MAPRE2: variants seen among roughly 807,000 people sequenced by gnomAD.
MAPRE2 encodes the protein microtubule-associated protein RP/EB family member 2.
A neutral mutation model predicts 43.2 loss-of-function variants in MAPRE2; 13 were observed. That is an observed-to-expected ratio of 0.30 (90% CI 0.20 to 0.48). The LOEUF is 0.48. MAPRE2 is among the 20% of genes least tolerant of loss of function. The pLI is 0.99. For synonymous variants in MAPRE2, 135 were observed against 148.8 expected (o/e 0.91, Z 0.68); for missense variants, 161 against 400.2 (o/e 0.40, Z 5.10).
chr18:35,111,230 A>G (rs1166663797), intron 4 of MAPRE2, among the ~76,000 whole-genome samples: 3 of 152,176 alleles, frequency 2.0e-5, no homozygotes, highest in Admixed American at 2.0e-4. Flanking sequence ...CTACTGTTGT[A>G]GAAGTCTTCA....
chr18:34,991,032 T>C (rs1457646510), intron 1 of MAPRE2, among the ~76,000 whole-genome samples: 1 of 152,154 alleles, frequency 6.6e-6, no homozygotes, highest in Non-Finnish European at 1.5e-5. Flanking sequence ...TCAACTTCTA[T>C]TTTAGATTCA....
At chr18:35,079,343 A>T (rs934633459) in intron 2 of MAPRE2, among the ~76,000 whole-genome samples, 1 of 152,188 alleles carries the variant, frequency 6.6e-6, no homozygotes, top group Non-Finnish European at 1.5e-5. Context: ...ACTGTTTTCC[A>T]TGTATTTAAT....
chr18:35,130,814 A>G (rs759531719), intron 5 of MAPRE2, among the ~76,000 whole-genome samples: 1 of 152,134 alleles, frequency 6.6e-6, no homozygotes, highest in Non-Finnish European at 1.5e-5. Flanking sequence ...ACTATGGTAG[A>G]CTGAGATTTG....
At chr18:35,051,965 T>C (rs1905960552) in intron 1 of MAPRE2, among the ~76,000 whole-genome samples, 1 of 152,354 alleles carries the variant, frequency 6.6e-6, no homozygotes, top group Non-Finnish European at 1.5e-5. Context: ...ATAATCTTTT[T>C]GTTCTAAGTA....
intron 1 of MAPRE2, among the ~76,000 whole-genome samples, chr18:34,995,077 T>A (rs2097025796): frequency 1.3e-5 from 2 of 152,182 alleles, no homozygotes; most frequent in South Asian, 2.1e-4. Flanking sequence ...TCTGGACACA[T>A]CTCCCTGTAG....
rs67933808 is a variant in MAPRE2 at position 34,998,772 on chromosome 18, A to ATT, written c.-69-6693_-69-6692dup. Among the ~76,000 whole-genome samples the ATT allele has an allele frequency of 5.4e-3, 506 of 93,704 alleles. 35 individuals are homozygous for ATT. The highest frequency in any genetic ancestry group is 0.021 in the African/African-American group (418 of 20,158). 61.5% of individuals were successfully genotyped at this position (93,704 alleles called of 152,430 possible). On this transcript the variant is annotated intron_variant, in intron 1 of 7. Transcript: ENST00000413393. ...GCCACTGAGCCTGGCCGAAGTTGCAATTTTTTTTTTTTTTTTTTTTTTTTT... is the reference window on the plus strand; with the variant it reads ...GCCACTGAGCCTGGCCGAAGTTGCAATTTTTTTTTTTTTTTTTTTTTTTTTTT...
upstream of MAPRE2, among the ~76,000 whole-genome samples, chr18:35,038,259 A>C (rs930681345): frequency 2.0e-5 from 3 of 152,228 alleles, no homozygotes; most frequent in Non-Finnish European, 4.4e-5. Context: ...CTTCCTGATT[A>C]TCCCCTTACA....
chr18:34,985,676 AATAT>A (rs142185998), intron 1 of MAPRE2, among the ~76,000 whole-genome samples: 25,001 of 115,518 alleles, frequency 0.22, 2,879 homozygotes, highest in East Asian at 0.23. Context: ...ATAATATATA[AATAT>A]ATATTATATA....
At chr18:35,066,671 A>T (rs549498050) in intron 1 of MAPRE2, among the ~76,000 whole-genome samples, 9 of 152,378 alleles carry the variant, frequency 5.9e-5, no homozygotes, top group African/African-American at 1.9e-4. Context: ...ATGGCAGTGC[A>T]GGAATAGAAT....
chr18:35,080,767 T>C (rs1353970335), intron 2 of MAPRE2, among the ~76,000 whole-genome samples: 1 of 151,992 alleles, frequency 6.6e-6, no homozygotes, highest in African/African-American at 2.4e-5. Flanking sequence ...AACAGAATAA[T>C]GAAATTGCTT....
chr18:35,118,786 T>C (rs1909534331), intron 4 of MAPRE2, among the ~76,000 whole-genome samples: 1 of 152,162 alleles, frequency 6.6e-6, no homozygotes, highest in Non-Finnish European at 1.5e-5. Flanking sequence ...CTACCTACAG[T>C]ATCCCATTCT....
At chr18:34,983,549 C>G (rs1241415265) in intron 1 of MAPRE2, among the ~76,000 whole-genome samples, 2 of 152,194 alleles carry the variant, frequency 1.3e-5, no homozygotes, top group Non-Finnish European at 2.9e-5. Flanking sequence ...TTTTTATTCA[C>G]TGTCACTTCC....
intron 1 of MAPRE2, chr18:34,978,222 A>G: frequency 2.2e-6 from 1 of 461,766 alleles, no homozygotes; most frequent in South Asian, 2.7e-5. Context: ...TTCCAAAAAA[A>G]GAAGAACAAA....
intron 1 of MAPRE2, among the ~76,000 whole-genome samples, chr18:34,994,854 T>C (rs1202939467): frequency 6.6e-6 from 1 of 152,112 alleles, no homozygotes; most frequent in Non-Finnish European, 1.5e-5. Context: ...AGTCACATAA[T>C]TGGGAAAACC....
intron 4 of MAPRE2, among the ~76,000 whole-genome samples, chr18:35,113,823 T>A (rs1288993817): frequency 6.6e-6 from 1 of 152,112 alleles, no homozygotes; most frequent in Non-Finnish European, 1.5e-5. Context: ...AGCCTGGGGT[T>A]CAAGGCTGCA....
At chr18:35,068,462 G>T (rs114054877) in intron 1 of MAPRE2, among the ~76,000 whole-genome samples, 2,304 of 152,226 alleles carry the variant, frequency 0.015, 68 homozygotes, top group African/African-American at 0.053. Context: ...ATCAATAAAG[G>T]TATAATTTCA....
At chr18:35,003,966 T>G (rs75869481) in intron 1 of MAPRE2, among the ~76,000 whole-genome samples, 6 of 152,246 alleles carry the variant, frequency 3.9e-5, no homozygotes, top group Non-Finnish European at 7.3e-5. Flanking sequence ...GTAGTCAATA[T>G]ATCTTAATTT....
chr18:35,118,407 T>C (rs1279902034), intron 4 of MAPRE2, among the ~76,000 whole-genome samples: 2 of 152,210 alleles, frequency 1.3e-5, no homozygotes, highest in Non-Finnish European at 2.9e-5. Flanking sequence ...TCACAGAATG[T>C]CTTTTTGTTG....
intron 4 of MAPRE2, among the ~76,000 whole-genome samples, chr18:35,110,978 G>T (rs1235620591): frequency 6.6e-6 from 1 of 152,064 alleles, no homozygotes; most frequent in Non-Finnish European, 1.5e-5. Flanking sequence ...CTGAGTCTGT[G>T]AATTTATGTC....
Sources: allele counts gnomAD v4.1 joint callset (sites outside exome capture counted in the v4.1 genomes callset), GRCh38; gene constraint gnomAD v4.1.1; transcripts MANE v1.5; gene names NCBI Gene and HGNC (gene_info 2026-07-23, HGNC 2026-07-21).